SEC24A: variants seen among roughly 807,000 people sequenced by gnomAD.
SEC24A encodes protein transport protein Sec24A.
A neutral mutation model predicts 129.4 loss-of-function variants in SEC24A; 93 were observed. The ratio of observed to expected loss-of-function variants is 0.72; its 90% CI spans 0.61 to 0.85. The LOEUF (loss-of-function observed/expected upper bound fraction) is 0.85, where lower values mean the gene tolerates loss of function less well. SEC24A is among the 40% of genes least tolerant of loss of function. The probability of loss-of-function intolerance (pLI) is 0.00; values close to 1 mark genes in which losing one functional copy is unlikely to be tolerated. For missense variants in SEC24A, 1,264 were observed against 1,307.4 expected (o/e 0.97, Z 0.51); for synonymous variants, 460 against 467.3 (o/e 0.98, Z 0.20).
chr5:134,663,214 C>T (rs2150073697), intron 2 of SEC24A, among the ~76,000 whole-genome samples: 1 of 152,186 alleles, frequency 6.6e-6, no homozygotes, highest in Admixed American at 6.5e-5. Flanking sequence ...AGTAGGCGTG[C>T]CACAGTGCCT....
intron 18 of SEC24A, among the ~76,000 whole-genome samples, chr5:134,709,652 G>C (rs1043384704): frequency 6.6e-6 from 1 of 152,168 alleles, no homozygotes; most frequent in Admixed American, 6.6e-5. Context: ...AAAAGGTACA[G>C]TGTTTTAGTT....
intron 1 of SEC24A, among the ~76,000 whole-genome samples, chr5:134,651,420 G>C (rs1037029165): frequency 1.3e-5 from 2 of 150,302 alleles, no homozygotes; most frequent in African/African-American, 4.9e-5. Context: ...TCAGCCTCCC[G>C]AGTAGCTGGG....
intron 2 of SEC24A, among the ~76,000 whole-genome samples, chr5:134,665,363 G>A (rs1647024630): frequency 6.6e-6 from 1 of 150,390 alleles, no homozygotes; most frequent in African/African-American, 2.4e-5. Context: ...GCTGAGGCAG[G>A]AGAATCGCTT....
chr5:134,651,831 A>G (rs1750064388), intron 1 of SEC24A, among the ~76,000 whole-genome samples: 2 of 152,080 alleles, frequency 1.3e-5, no homozygotes, highest in Middle Eastern at 3.2e-3. Flanking sequence ...GTTGGAGAAC[A>G]GGATATTTTT....
Position 134,682,434 on chromosome 5 carries a change from A to G in SEC24A, c.1443A>G (p.Pro481=), listed in dbSNP as rs1211505710. Reference sequence around the variant, plus strand: ...TTTATGGAGAACCTCACAGAAGACCAGAAGTTCAAAATGCTACTATTGAGT... The same window carrying G: ...TTTATGGAGAACCTCACAGAAGACCGGAAGTTCAAAATGCTACTATTGAGT... ...TRVYGEPHRR[P]EVQNATIEFM... The change falls in exon 9 of 23, where the codon CCA becomes CCG. Residue 481 remains proline (P), a synonymous_variant. Coordinates refer to ENST00000398844, the MANE Select transcript of SEC24A (RefSeq NM_021982.3). The G allele has an allele frequency of 6.2e-7, 1 of 1,610,232 alleles. No individual in the cohort carries two copies. Among genetic ancestry groups the G allele is most frequent in the African/African-American group, 1.3e-5 (1 of 74,982 alleles).
In SEC24A at chr5:134,686,820, T is replaced by C. The variant is rs372881515; in HGVS notation, c.1522T>C (p.Phe508Leu). ...LRPPQPPVYL[F>L]VFDVSHNAVE... ...ACCACCTCAGCCTCCAGTGTATCTCTTTGTATTTGATGTGTCTCACAATGC... is the reference window on the plus strand; with the variant it reads ...ACCACCTCAGCCTCCAGTGTATCTCCTTGTATTTGATGTGTCTCACAATGC... Residue 508 changes from phenylalanine to leucine, a missense_variant, in exon 10 of 23, where the codon TTT (phenylalanine) becomes CTT (leucine). Physicochemically the swap from Phe to Leu is conservative, Grantham distance 22. Transcript: ENST00000398844. 5.6e-6 allele frequency: 9 copies of C among 1,608,786 alleles called. No individual in the cohort carries two copies. The African/African-American group carries it at 9.4e-5, about 17-fold the overall frequency.
At chr5:134,701,658 G>T (rs530898739) in intron 15 of SEC24A, among the ~76,000 whole-genome samples, 2 of 151,864 alleles carry the variant, frequency 1.3e-5, no homozygotes, top group African/African-American at 4.8e-5. Flanking sequence ...TTACAGGCAC[G>T]TGCTACCATG....
chr5:134,663,495 T>G (rs536762490), intron 2 of SEC24A, among the ~76,000 whole-genome samples: 1 of 152,290 alleles, frequency 6.6e-6, no homozygotes, highest in South Asian at 2.1e-4. Context: ...AAAGCCACAG[T>G]AAAATAGTTT....
chr5:134,685,204 C>T (rs1751409188), intron 9 of SEC24A, among the ~76,000 whole-genome samples: 1 of 151,904 alleles, frequency 6.6e-6, no homozygotes, highest in African/African-American at 2.4e-5. Context: ...ACCCAAGTCT[C>T]TGCAAAAAAT....
intron 1 of SEC24A, among the ~76,000 whole-genome samples, chr5:134,660,086 A>G (rs567736293): frequency 5.9e-5 from 9 of 151,722 alleles, no homozygotes; most frequent in Non-Finnish European, 1.2e-4. Flanking sequence ...TGTAAATACA[A>G]CCTGTTTGCT....
chr5:134,681,412 TA>T (rs1247995817), intron 8 of SEC24A, among the ~76,000 whole-genome samples: 1 of 149,540 alleles, frequency 6.7e-6, no homozygotes, highest in Non-Finnish European at 1.5e-5. Flanking sequence ...AACAAACAAA[TA>T]AAACAAAACA....
At chr5:134,680,682 C>T (rs1258455188) in intron 8 of SEC24A, among the ~76,000 whole-genome samples, 3 of 151,204 alleles carry the variant, frequency 2.0e-5, no homozygotes, top group South Asian at 2.1e-4. Flanking sequence ...CTGGCTCTGT[C>T]GCCAGGCTGG....
At chr5:134,673,817 A>G (rs898328734) in intron 4 of SEC24A, among the ~76,000 whole-genome samples, 3 of 152,142 alleles carry the variant, frequency 2.0e-5, no homozygotes, top group African/African-American at 7.2e-5. Flanking sequence ...TATAGTATAA[A>G]ATATTAACTA....
intron 17 of SEC24A, 26 bp from the exon 18 acceptor site, chr5:134,708,687 T>C (rs1752233677): frequency 1.3e-6 from 2 of 1,588,358 alleles, no homozygotes; most frequent in Non-Finnish European, 1.7e-6. Flanking sequence ...ATATTTCTTT[T>C]TTGTCCTTAC....
chr5:134,697,389 C>T, intron 14 of SEC24A, 143 bp downstream of exon 14: 1 of 647,802 alleles, frequency 1.5e-6, no homozygotes, highest in South Asian at 2.8e-5. Flanking sequence ...CTATTAAAAA[C>T]CTTATAGTCT....
Position 134,703,853 on chromosome 5 carries a change from A to T in SEC24A, c.2361A>T (p.Val787=), listed in dbSNP as rs749958378. 1.9e-6 allele frequency: 3 copies of T among 1,613,110 alleles called. No homozygotes were observed. In the South Asian group the frequency reaches 3.3e-5, roughly 18 times the overall value. Residue 787 remains valine, a synonymous_variant, in exon 16 of 23, where the codon GTA becomes GTT. Coordinates refer to ENST00000398844, the MANE Select transcript of SEC24A (RefSeq NM_021982.3). The part of the protein sequence containing the change: ...PNVNPDAGYA[V]QMSVEESLTD... ...TCAACCCAGACGCTGGGTATGCAGT[A>T]CAGATGTCAGTGGAAGAGAGTCTTA...
intron 5 of SEC24A, 80 bp from the exon 6 acceptor site, chr5:134,674,965 C>A: frequency 1.6e-6 from 2 of 1,285,370 alleles, no homozygotes; most frequent in Non-Finnish European, 2.1e-6. Flanking sequence ...CTAGATTACA[C>A]TTTTGTTATT....
At position 134,705,350 on chromosome 5, in the gene SEC24A, A is replaced by G; in HGVS notation, c.2464A>G (p.Thr822Ala). 1.2e-6 allele frequency: 2 copies of G among 1,613,420 alleles called. No homozygotes were observed. The highest frequency in any genetic ancestry group is 8.5e-7 in the Non-Finnish European group (1 of 1,179,680). ...AGGCGAAAGAAGAATTCGTGTTCAT[A>G]CTTTGTGTTTGCCAGTAGTTTCGAC... ...SKGERRIRVH[T>A]LCLPVVSTLN... Residue 822 changes from threonine to alanine, a missense_variant, in exon 17 of 23, where the codon ACT becomes GCT. By Grantham distance (58) the Thr-to-Ala change is moderately conservative. Transcript: ENST00000398844.
chr5:134,698,125 A>G (rs1751885445), intron 15 of SEC24A, 68 bp downstream of exon 15: 2 of 1,298,200 alleles, frequency 1.5e-6, no homozygotes, highest in Non-Finnish European at 2.2e-6. Flanking sequence ...ACATGTTTTT[A>G]TCTGGTCTTA....
Sources: gnomAD v4.1 joint callset for allele counts (sites outside exome capture counted in the v4.1 genomes callset) on GRCh38, gnomAD v4.1.1 for gene constraint, MANE v1.5 for transcripts, NCBI Gene and HGNC (gene_info 2026-07-23, HGNC 2026-07-21) for gene names.